The following LRBA variants were observed in gnomAD, a reference collection of about 807,000 sequenced individuals.
LRBA encodes LPS responsive beige-like anchor protein, also known as lipopolysaccharide-responsive and beige-like anchor protein.
LRBA carries 176 observed loss-of-function variants against 330.0 expected under a neutral mutation model. That is an observed-to-expected ratio of 0.53 (90% CI 0.47 to 0.60). LRBA has a LOEUF of 0.60. LRBA is among the 20% of genes least tolerant of loss of function. The pLI is 0.00. For synonymous variants in LRBA, 1,230 were observed against 1,193.0 expected (o/e 1.03, Z -0.64); for missense variants, 3,259 against 3,444.8 (o/e 0.95, Z 1.35).
At chr4:150,302,884 A>C in intron 52 of LRBA, 92 bp from the exon 53 acceptor site, 5 of 819,132 alleles carry the variant, frequency 6.1e-6, no homozygotes, top group Non-Finnish European at 9.2e-6. Context: ...AGCTATATGA[A>C]CTCTGATGGT....
chr4:150,883,235 C>A (rs1174990779), intron 17 of LRBA, among the ~76,000 whole-genome samples: 1 of 152,084 alleles, frequency 6.6e-6, no homozygotes, highest in Admixed American at 6.6e-5. Flanking sequence ...CCAAGATGGG[C>A]AGATCACTTG....
intron 53 of LRBA, among the ~76,000 whole-genome samples, chr4:150,296,583 T>G (rs1403906022): frequency 1.3e-5 from 2 of 152,154 alleles, no homozygotes; most frequent in African/African-American, 4.8e-5. Context: ...ACTTATAAAC[T>G]TCTGCTCTGT....
chr4:150,745,714 C>T (rs1340735530), intron 35 of LRBA, among the ~76,000 whole-genome samples: 2 of 152,112 alleles, frequency 1.3e-5, no homozygotes, highest in African/African-American at 4.8e-5. Context: ...CGGGATTTCA[C>T]TATGTTGGCC....
intron 48 of LRBA, among the ~76,000 whole-genome samples, chr4:150,349,517 A>C (rs1430256035): frequency 6.6e-6 from 1 of 152,214 alleles, no homozygotes; most frequent in Admixed American, 6.5e-5. Flanking sequence ...GAATAAAACA[A>C]GTTCAATAAC....
In LRBA at chr4:150,914,353, A is replaced by G. The variant is rs535068224; in HGVS notation, c.1015-12T>C. 2.2e-4 allele frequency: 326 copies of G among 1,477,298 alleles called. No individual in the cohort carries two copies. Among genetic ancestry groups the G allele is most frequent in the Admixed American group, 3.0e-4 (13 of 43,550 alleles). The allele number at this position is 1,477,298 out of a possible 1,614,324, so 91.5% of individuals were successfully genotyped here. ...CATTTGTCAAAGGTCTGTAAAAGAA[A>G]AAAAAAAAGGAATTAGGAAAAAACA... On this transcript the variant is annotated splice_polypyrimidine_tract_variant and intron_variant, in intron 8 of 56. Coordinates refer to ENST00000651943, the MANE Select transcript of LRBA (RefSeq NM_001364905.1).
intron 46 of LRBA, among the ~76,000 whole-genome samples, chr4:150,426,592 A>G (rs906909015): frequency 6.6e-6 from 1 of 151,952 alleles, no homozygotes; most frequent in Non-Finnish European, 1.5e-5. Context: ...ATAAGATATT[A>G]TTATCATTAG....
At chr4:150,277,713 G>T in intron 56 of LRBA, 140 bp downstream of exon 56, 3 of 858,198 alleles carry the variant, frequency 3.5e-6, no homozygotes, top group Non-Finnish European at 5.4e-6. Context: ...TGTTGCCCAG[G>T]CTGGCTTCGA....
chr4:150,692,492 T>G (rs1044048797), intron 36 of LRBA, among the ~76,000 whole-genome samples: 10 of 152,070 alleles, frequency 6.6e-5, no homozygotes, highest in Admixed American at 1.3e-4. Flanking sequence ...AGTGCTGGGA[T>G]TACAGGCATG....
chr4:150,912,442 G>C (rs983377239), intron 9 of LRBA, among the ~76,000 whole-genome samples: 1 of 152,128 alleles, frequency 6.6e-6, no homozygotes, highest in Non-Finnish European at 1.5e-5. Context: ...CATCACCCCC[G>C]GATGGAACCG....
chr4:150,594,266 C>G (rs1773226517), intron 38 of LRBA, among the ~76,000 whole-genome samples: 1 of 151,692 alleles, frequency 6.6e-6, no homozygotes, highest in Non-Finnish European at 1.5e-5. Context: ...ACCACATGCG[C>G]TGGTGTTCAA....
intron 53 of LRBA, among the ~76,000 whole-genome samples, chr4:150,301,463 T>C (rs1057351039): frequency 1.3e-5 from 2 of 152,108 alleles, no homozygotes; most frequent in Non-Finnish European, 2.9e-5. Flanking sequence ...GAAATATCTA[T>C]TAGACGTTCA....
chr4:150,503,083 G>C (rs1441141977), intron 40 of LRBA, among the ~76,000 whole-genome samples: 1 of 152,246 alleles, frequency 6.6e-6, no homozygotes, highest in Non-Finnish European at 1.5e-5. Flanking sequence ...GGCCACCATA[G>C]CTCAAGGAGG....
intron 34 of LRBA, among the ~76,000 whole-genome samples, chr4:150,775,089 T>C (rs773633368): frequency 2.0e-5 from 3 of 152,182 alleles, no homozygotes; most frequent in Non-Finnish European, 2.9e-5. Flanking sequence ...ACTTGGCTCC[T>C]GCCAGCTCAG....
At chr4:150,454,312 T>C (rs1753779811) in intron 44 of LRBA, among the ~76,000 whole-genome samples, 1 of 152,138 alleles carries the variant, frequency 6.6e-6, no homozygotes, top group Admixed American at 6.6e-5. Context: ...CAATTTGTTA[T>C]ATTAGTGAAA....
chr4:150,732,222 C>G (rs1478319532), intron 36 of LRBA, among the ~76,000 whole-genome samples: 1 of 151,868 alleles, frequency 6.6e-6, no homozygotes, highest in Non-Finnish European at 1.5e-5. Flanking sequence ...AAATTTTATA[C>G]AATACTGCAA....
chr4:150,639,862 TATATATATATTTA>T (rs1778492161), intron 37 of LRBA, among the ~76,000 whole-genome samples: 1 of 85,482 alleles, frequency 1.2e-5, no homozygotes, highest in Non-Finnish European at 2.3e-5. Flanking sequence ...TATATATATA[TATATATATATTTA>T]GATGGAGTTT....
intron 34 of LRBA, among the ~76,000 whole-genome samples, chr4:150,777,992 A>C (rs1339574697): frequency 2.0e-5 from 3 of 151,330 alleles, no homozygotes; most frequent in Non-Finnish European, 4.4e-5. Flanking sequence ...AAAAAAAAAA[A>C]AAAAAAACTA....
Position 150,467,753 on chromosome 4 carries a change from C to A in LRBA, c.6700G>T (p.Val2234Leu), listed in dbSNP as rs1464749969. 6.2e-7 allele frequency: 1 copy of A among 1,600,918 alleles called. No individual in the cohort carries two copies. Residue 2234 changes from valine (V) to leucine (L), a missense_variant, in exon 44 of 57, where the codon GTG becomes TTG. By Grantham distance (32) the Val-to-Leu change is conservative. Transcript: ENST00000651943. Reference protein sequence around the residue: ...RSYNDLNQYPVFPWVITNYES... With the variant: ...RSYNDLNQYPLFPWVITNYES... ...TAATTAGTGATGACCCAAGGAAACA[C>A]TGGATACTGATTTAAGTCATTATAA...
intron 37 of LRBA, among the ~76,000 whole-genome samples, chr4:150,658,519 C>G (rs866970807): frequency 0.33 from 4 of 12 alleles, 2 homozygotes; most frequent in Non-Finnish European, 1. Context: ...CCCTCTCCCT[C>G]TCCCTCTCCC....
Sources: gnomAD v4.1 joint callset for allele counts (sites outside exome capture counted in the v4.1 genomes callset) on GRCh38, gnomAD v4.1.1 for gene constraint, MANE v1.5 for transcripts, NCBI Gene and HGNC (gene_info 2026-07-23, HGNC 2026-07-21) for gene names.